TOX2: variants seen among roughly 807,000 people sequenced by gnomAD.
TOX2 encodes granulosa cell HMG box 1.
Under a neutral mutation model 47.4 loss-of-function variants are expected in TOX2, and 15 were observed. The observed-to-expected ratio is 0.32, with a 90% CI of 0.21 to 0.49. The LOEUF (loss-of-function observed/expected upper bound fraction) is 0.49, where lower values mean the gene tolerates loss of function less well. Ranked by LOEUF, TOX2 falls within the 20% of genes least tolerant of loss-of-function variation. The pLI is 0.99. For missense variants in TOX2, 622 were observed against 673.1 expected (o/e 0.92, Z 0.84); for synonymous variants, 290 against 296.6 (o/e 0.98, Z 0.23).
At chr20:44,004,839 T>G (rs1478859542) in intron 2 of TOX2, among the ~76,000 whole-genome samples, 2 of 152,246 alleles carry the variant, frequency 1.3e-5, no homozygotes, top group African/African-American at 2.4e-5. Flanking sequence ...TACATGCTAT[T>G]GTGGTTTAGG....
At chr20:43,944,679 T>A (rs1397731910) in intron 1 of TOX2, among the ~76,000 whole-genome samples, 1 of 152,222 alleles carries the variant, frequency 6.6e-6, no homozygotes, top group Non-Finnish European at 1.5e-5. Context: ...ATAGGATGAT[T>A]CCCCAGAGCG....
chr20:44,016,251 T>G (rs2070876653), intron 3 of TOX2, among the ~76,000 whole-genome samples: 1 of 152,062 alleles, frequency 6.6e-6, no homozygotes, highest in South Asian at 2.1e-4. Context: ...ATGCAGAAAC[T>G]GAGGCTTAGA....
At chr20:44,016,030 C>T (rs2070872605) in intron 3 of TOX2, among the ~76,000 whole-genome samples, 1 of 152,014 alleles carries the variant, frequency 6.6e-6, no homozygotes, top group Admixed American at 6.6e-5. Flanking sequence ...CGGAAAGGAA[C>T]AAAACATGTT....
intron 3 of TOX2, among the ~76,000 whole-genome samples, chr20:44,045,695 C>T (rs1314478604): frequency 6.6e-6 from 1 of 152,204 alleles, no homozygotes; most frequent in Non-Finnish European, 1.5e-5. Flanking sequence ...GTCACCCTCA[C>T]TAGTGATCAG....
At chr20:44,068,557 G>A (rs1315002527) in intron 8 of TOX2, 93 bp from the exon 9 acceptor site, 3 of 1,424,666 alleles carry the variant, frequency 2.1e-6, no homozygotes, top group Non-Finnish European at 2.9e-6. Context: ...TGAATCCAGG[G>A]GTGGGGGTGG....
chr20:43,997,945 T>C (rs577895039), intron 2 of TOX2, among the ~76,000 whole-genome samples: 12 of 152,198 alleles, frequency 7.9e-5, no homozygotes, highest in Non-Finnish European at 1.0e-4. Flanking sequence ...GGTTGGTGCA[T>C]GTACTAGTCT....
chr20:44,054,145 GTGTC>G (rs139769631), intron 4 of TOX2, among the ~76,000 whole-genome samples, 150 bp from the exon 5 acceptor site: 1,745 of 152,222 alleles, frequency 0.011, 38 homozygotes, highest in African/African-American at 0.038. Flanking sequence ...CAGGGTGTGT[GTGTC>G]TGTCTGTCCA....
Position 44,065,755 on chromosome 20 carries a change from C to T in TOX2, c.1004C>T (p.Pro335Leu). Reference protein sequence around the residue: ...QGETKSTQANPPAKMLPPKQP... With the variant: ...QGETKSTQANLPAKMLPPKQP... ...GAGACCAAGAGCACTCAGGCAAACCCACCAGCCAAAATGCTCCCACCCAAG... is the reference window on the plus strand; with the variant it reads ...GAGACCAAGAGCACTCAGGCAAACCTACCAGCCAAAATGCTCCCACCCAAG... Residue 335 changes from proline (P) to leucine (L), a missense_variant, in exon 7 of 9, where the codon CCA (proline) becomes CTA (leucine). Coordinates refer to ENST00000341197, the MANE Select transcript of TOX2 (RefSeq NM_001098797.2). The T allele has an allele frequency of 1.2e-6, 2 of 1,606,320 alleles. No homozygotes were observed. Among genetic ancestry groups the T allele is most frequent in the South Asian group, 2.2e-5 (2 of 90,506 alleles).
intron 1 of TOX2, among the ~76,000 whole-genome samples, chr20:43,958,822 C>T (rs2069710810): frequency 6.6e-6 from 1 of 152,224 alleles, no homozygotes; most frequent in South Asian, 2.1e-4. Flanking sequence ...ATCCATCAGC[C>T]CTGGCCTTGG....
chr20:44,058,129 G>T (rs2071654852), intron 5 of TOX2, among the ~76,000 whole-genome samples: 1 of 152,226 alleles, frequency 6.6e-6, no homozygotes, highest in African/African-American at 2.4e-5. Context: ...ACACTTTGAA[G>T]GATGTGGATT....
At chr20:44,028,436 C>T (rs768253720) in intron 3 of TOX2, among the ~76,000 whole-genome samples, 10 of 152,316 alleles carry the variant, frequency 6.6e-5, no homozygotes, top group East Asian at 1.9e-4. Context: ...CCCAAACCCT[C>T]GCTGCAGCGC....
intron 4 of TOX2, among the ~76,000 whole-genome samples, chr20:44,053,597 CACAT>C (rs2071565046): frequency 1.0e-5 from 1 of 97,746 alleles, no homozygotes; most frequent in Non-Finnish European, 2.0e-5. Context: ...TATATACACA[CACAT>C]ATATATACAT....
chr20:43,973,456 C>T lies in TOX2; in HGVS notation c.165+24C>T, dbSNP rs368789956. On this transcript the variant is annotated intron_variant, in intron 2 of 8. Transcript: ENST00000341197. ...AGGTGGGTGCCTCATCCTCCCTGAA[C>T]GGGTGTCTTAAGATTTGGGCTGGCT... is the stretch of plus-strand genomic sequence containing the variant. 8.5e-5 allele frequency: 137 copies of T among 1,612,842 alleles called. 1 individual carries two copies. The highest frequency in any genetic ancestry group is 5.6e-4 in the South Asian group (51 of 91,024).
At chr20:44,066,189 C>A in intron 7 of TOX2, 82 bp downstream of exon 7, 1 of 1,396,788 alleles carries the variant, frequency 7.2e-7, no homozygotes, top group Non-Finnish European at 9.4e-7. Context: ...CCTGGCCCTG[C>A]CACTCACCAG....
intron 3 of TOX2, among the ~76,000 whole-genome samples, chr20:44,026,248 T>TATATATATATATATATAC (rs750976068): frequency 1.5e-5 from 1 of 67,726 alleles, no homozygotes; most frequent in African/African-American, 7.2e-5. Flanking sequence ...TATATATATA[T>TATATATATATATATATAC]AGACACACAC....
chr20:43,935,566 A>C (rs1197097886), intron 1 of TOX2, among the ~76,000 whole-genome samples: 2 of 151,716 alleles, frequency 1.3e-5, no homozygotes, highest in East Asian at 3.8e-4. Context: ...ATTACTATTA[A>C]CCATGTCACA....
intron 5 of TOX2, among the ~76,000 whole-genome samples, chr20:44,056,552 GGTGGTT>G (rs1259182227): frequency 1.6e-4 from 24 of 152,316 alleles, no homozygotes; most frequent in Middle Eastern, 3.4e-3. Flanking sequence ...GGCAAGCAAA[GGTGGTT>G]GAGAGTCCCA....
intron 2 of TOX2, among the ~76,000 whole-genome samples, chr20:43,989,992 G>C (rs2070340650): frequency 6.6e-6 from 1 of 152,112 alleles, no homozygotes; most frequent in South Asian, 2.1e-4. Flanking sequence ...GCCGGATTCA[G>C]TTCCCCTGAA....
chr20:43,921,010 GT>G (rs1318926335), intron 1 of TOX2, among the ~76,000 whole-genome samples: 1 of 152,240 alleles, frequency 6.6e-6, no homozygotes, highest in Non-Finnish European at 1.5e-5. Flanking sequence ...GGGCTTGGCA[GT>G]TGTAACCTGT....
Sources: allele counts gnomAD v4.1 joint callset (sites outside exome capture counted in the v4.1 genomes callset), GRCh38; gene constraint gnomAD v4.1.1; transcripts MANE v1.5; gene names NCBI Gene and HGNC (gene_info 2026-07-23, HGNC 2026-07-21).